Variants in CCNL1 observed in about 807,000 individuals in gnomAD.
CCNL1 encodes the protein cyclin L1.
In CCNL1, 13 loss-of-function variants were observed where a neutral mutation model predicts 60.6. The ratio of observed to expected loss-of-function variants is 0.21; its 90% CI spans 0.14 to 0.34. The LOEUF (loss-of-function observed/expected upper bound fraction) is 0.34. CCNL1 is among the 10% of genes least tolerant of loss of function. CCNL1 has a pLI of 1.00. For missense variants in CCNL1, 481 were observed against 664.3 expected (o/e 0.72, Z 3.03); for synonymous variants, 270 against 244.3 (o/e 1.10, Z -0.98).
At chr3:157,144,887 G>C (rs1395031129), downstream of CCNL1, among the ~76,000 whole-genome samples, 2 of 152,120 alleles carry the variant, frequency 1.3e-5, no homozygotes, top group Non-Finnish European at 2.9e-5. Context: ...TATTATTTTT[G>C]GAAACTCTCA....
At chr3:157,159,054 A>C in intron 2 of CCNL1, 79 bp from the exon 3 acceptor site, 1 of 938,432 alleles carries the variant, frequency 1.1e-6, no homozygotes, top group Non-Finnish European at 1.7e-6. Flanking sequence ...CACAATTGGG[A>C]CAACCTTTAG....
At chr3:157,152,986 T>C in intron 4 of CCNL1, 50 bp downstream of exon 4, 2 of 1,586,668 alleles carry the variant, frequency 1.3e-6, no homozygotes, top group African/African-American at 2.7e-5. Context: ...ATAAAATTTT[T>C]AGAAAAGTCC....
chr3:157,148,780 GTTC>G (rs1474302181), intron 10 of CCNL1, among the ~76,000 whole-genome samples, 191 bp from the exon 11 acceptor site: 1 of 151,824 alleles, frequency 6.6e-6, no homozygotes, highest in African/African-American at 2.4e-5. Flanking sequence ...TTAAGCAAAT[GTTC>G]TTATGTCTTT....
intron 3 of CCNL1, among the ~76,000 whole-genome samples, chr3:157,155,888 A>G (rs1738583971): frequency 6.6e-6 from 1 of 152,216 alleles, no homozygotes. Context: ...AATAATTTTC[A>G]TTATCAACAC....
At position 157,152,837 on chromosome 3, in the gene CCNL1, T is replaced by C; in HGVS notation, c.609+199A>G. 3.0e-6 allele frequency: 4 copies of C among 1,324,830 alleles called. No homozygotes were observed. The South Asian group carries it at 7.5e-5, about 25-fold the overall frequency. 82.1% of individuals were successfully genotyped at this position (1,324,830 alleles called of 1,614,324 possible). A position where few individuals can be genotyped will look rare whatever the true frequency, so the allele number is the denominator to read the frequency against. On this transcript the variant is annotated intron_variant, in intron 4 of 10. Coordinates refer to ENST00000295926, the MANE Select transcript of CCNL1 (RefSeq NM_020307.4). ...GAGCACACAATTAAGATTTAAGATTTGAACCTACATTTTTGACTGTCATTT... is the reference window on the plus strand; with the variant it reads ...GAGCACACAATTAAGATTTAAGATTCGAACCTACATTTTTGACTGTCATTT...
intron 3 of CCNL1, chr3:157,156,918 G>A (rs565241989): frequency 1.6e-6 from 2 of 1,287,626 alleles, no homozygotes; most frequent in Non-Finnish European, 1.0e-6. Flanking sequence ...TTTTCTAAAT[G>A]GTTCACCAGT....
At chr3:157,144,914 T>TCTTTTGATTTTGCATCTTTTGCATCTA (rs1334077647), downstream of CCNL1, among the ~76,000 whole-genome samples, 1 of 152,232 alleles carries the variant, frequency 6.6e-6, no homozygotes, top group African/African-American at 2.4e-5. Context: ...CTAAATGTTT[T>TCTTTTGATTTTGCATCTTTTGCATCTA]AAGTAAGCTT....
intron 3 of CCNL1, chr3:157,157,147 G>C: frequency 7.9e-7 from 1 of 1,263,302 alleles, no homozygotes; most frequent in Non-Finnish European, 1.0e-6. Context: ...TTACGTGCTT[G>C]AGTAAACTTG....
chr3:157,148,969 G>T, intron 10 of CCNL1: 1 of 331,730 alleles, frequency 3.0e-6, no homozygotes, highest in East Asian at 5.7e-5. Context: ...ATTAATAAGG[G>T]GTTAATGAAA....
chr3:157,145,032 G>A (rs1212655266), downstream of CCNL1, among the ~76,000 whole-genome samples: 4 of 152,192 alleles, frequency 2.6e-5, no homozygotes, highest in Admixed American at 1.3e-4. Flanking sequence ...TTTTATGTTC[G>A]CTTTGTTTTA....
intron 5 of CCNL1, chr3:157,150,735 A>G (rs1266581971): frequency 9.8e-7 from 1 of 1,016,100 alleles, no homozygotes; most frequent in East Asian, 9.0e-5. Context: ...CACTCCAATA[A>G]TACTTCAAGC....
chr3:157,152,966 T>C (rs1738311384), intron 4 of CCNL1, 70 bp downstream of exon 4: 1 of 1,578,528 alleles, frequency 6.3e-7, no homozygotes, highest in Non-Finnish European at 8.6e-7. Context: ...GAAACATAAA[T>C]TCATATAAAA....
At chr3:157,148,705 A>T in intron 10 of CCNL1, 116 bp from the exon 11 acceptor site, 1 of 871,984 alleles carries the variant, frequency 1.1e-6, no homozygotes, top group Non-Finnish European at 1.7e-6. Context: ...GACAAACCAG[A>T]ACTTTTCAAA....
intron 5 of CCNL1, chr3:157,151,297 T>G (rs892286871): frequency 1.7e-5 from 17 of 985,560 alleles, no homozygotes; most frequent in Non-Finnish European, 7.2e-6. Context: ...CACTAAGTCC[T>G]TCACATCAAT....
rs1266431887 is a variant in CCNL1 at position 157,147,712 on chromosome 3, A to C, written c.*529T>G. The C allele has an allele frequency of 1.0e-6, 1 of 985,164 alleles. No homozygotes were observed. The allele number at this position is 985,164 out of a possible 1,614,324, so 61.0% of individuals were successfully genotyped here. A position where few individuals can be genotyped will look rare whatever the true frequency, so the allele number is the denominator to read the frequency against. Reference sequence around the variant, plus strand: ...ACTACCATCTAATGGAGGAAAGAATAAGTTTGTCAGAAAACCAGTACAGCC... The same window carrying C: ...ACTACCATCTAATGGAGGAAAGAATCAGTTTGTCAGAAAACCAGTACAGCC... On this transcript the variant is annotated 3_prime_UTR_variant, in exon 11 of 11. Coordinates refer to ENST00000295926, the MANE Select transcript of CCNL1 (RefSeq NM_020307.4).
intron 3 of CCNL1, 78 bp from the exon 4 acceptor site, chr3:157,153,234 T>A (rs1738337322): frequency 6.8e-7 from 1 of 1,464,538 alleles, no homozygotes; most frequent in Admixed American, 2.2e-5. Context: ...CATTTTCCCT[T>A]CCAACCAACT....
At chr3:157,151,296 CT>C in intron 5 of CCNL1, 4 of 985,612 alleles carry the variant, frequency 4.1e-6, no homozygotes, top group South Asian at 9.4e-5. Flanking sequence ...TCACTAAGTC[CT>C]TCACATCAAT....
chr3:157,159,739 G>A (rs1738930835), intron 1 of CCNL1, 53 bp downstream of exon 1: 2 of 1,405,008 alleles, frequency 1.4e-6, no homozygotes, highest in Non-Finnish European at 1.9e-6. Flanking sequence ...TGCGGCGTAG[G>A]GGACGGAGGA....
At chr3:157,149,033 A>C (rs1577068151) in intron 10 of CCNL1, 2 of 441,918 alleles carry the variant, frequency 4.5e-6, no homozygotes, top group Non-Finnish European at 8.0e-6. Context: ...CATTATGAAC[A>C]ATACTATGGC....
Sources: allele counts gnomAD v4.1 joint callset (sites outside exome capture counted in the v4.1 genomes callset), GRCh38; gene constraint gnomAD v4.1.1; transcripts MANE v1.5; gene names NCBI Gene and HGNC (gene_info 2026-07-23, HGNC 2026-07-21).